NLRC5: variants seen among roughly 807,000 people sequenced by gnomAD.
NLRC5 encodes the protein protein NLRC5.
In NLRC5, 114 loss-of-function variants were observed where a neutral mutation model predicts 206.9. The ratio of observed to expected loss-of-function variants is 0.55; its 90% confidence interval spans 0.47 to 0.64. The LOEUF (loss-of-function observed/expected upper bound fraction) is 0.64, where lower values mean the gene tolerates loss of function less well. NLRC5 is among the 30% of genes least tolerant of loss of function. The pLI, the probability that NLRC5 is intolerant of heterozygous loss-of-function variation, is 0.00. For synonymous variants in NLRC5, 952 were observed against 962.8 expected, an observed-to-expected ratio of 0.99 and a Z score of 0.21; for missense variants, 2,008 against 2,305.5, an observed-to-expected ratio of 0.87 and a Z score of 2.64.
intron 22 of NLRC5, 100 bp downstream of exon 22, chr16:57,046,741 A>G: frequency 1.1e-6 from 1 of 899,050 alleles, no homozygotes; most frequent in Non-Finnish European, 1.7e-6. Context: ...ATTGGGATAG[A>G]GGGAAGAGAG....
intron 27 of NLRC5, 75 bp from the exon 28 acceptor site, chr16:57,057,990 G>T (rs1429356597): frequency 8.3e-7 from 1 of 1,206,922 alleles, no homozygotes; most frequent in Non-Finnish European, 1.2e-6. Flanking sequence ...GTGGATGCAG[G>T]CTCCTGGTGA....
At chr16:57,040,942 A>G (rs2063205129) in intron 17 of NLRC5, among the ~76,000 whole-genome samples, 2 of 149,658 alleles carry the variant, frequency 1.3e-5, no homozygotes, top group Admixed American at 6.6e-5. Context: ...TCCCAAGCCC[A>G]GGAGACCCCA....
Position 57,026,921 on chromosome 16 carries a change from C to T in NLRC5, c.1978C>T (p.His660Tyr). ...GGCCACCCTGACCAACATCCTAGAGCACAGGGAGGCCCCCATCCACCTGGA... is the reference window on the plus strand; with the variant it reads ...GGCCACCCTGACCAACATCCTAGAGTACAGGGAGGCCCCCATCCACCTGGA... ...DLATLTNILE[H>Y]REAPIHLDFD... The change falls in exon 6 of 49, where the codon CAC (histidine) becomes TAC (tyrosine). Residue 660 changes from histidine to tyrosine, a missense_variant. His to Tyr is a moderately conservative substitution (Grantham distance 83). Transcript: ENST00000688547. The T allele has an allele frequency of 2.5e-6, 4 of 1,614,194 alleles. No individual in the cohort carries two copies. The highest frequency in any genetic ancestry group is 3.4e-6 in the Non-Finnish European group (4 of 1,180,026).
rs764757233 is a variant in NLRC5, at chr16:57,026,756, C to T, written c.1813C>T (p.Arg605Cys). Residue 605 changes from arginine (R) to cysteine (C), a missense_variant, in exon 6 of 49, where the codon CGC (arginine) becomes TGC (cysteine). Arg to Cys is a radical substitution (Grantham distance 180). Transcript: ENST00000688547. ...VVQVLKKLAT[R>C]KLTGPKVVEL... ...GCAGGTGTTGAAGAAGTTGGCCACC[C>T]GCAAGCTCACAGGGCCAAAGGTTGT... 12 of 1,613,936 alleles carry T rather than the reference C, an allele frequency of 7.4e-6. No homozygotes were observed. The Admixed American group carries it at 8.3e-5, about 11-fold the overall frequency.
intron 28 of NLRC5, chr16:57,058,528 C>A (rs1374786877): frequency 3.1e-6 from 1 of 327,360 alleles, no homozygotes; most frequent in Admixed American, 4.5e-5. Flanking sequence ...ATCTGTGGAA[C>A]ATAAATGTGG....
intron 14 of NLRC5, among the ~76,000 whole-genome samples, chr16:57,036,461 G>A (rs918437033): frequency 1.3e-5 from 2 of 152,162 alleles, no homozygotes; most frequent in Admixed American, 1.3e-4. Flanking sequence ...CCTGGAGCAC[G>A]GTGGGGTGGG....
chr16:57,047,422 G>T (rs1597346134), intron 22 of NLRC5, 123 bp from the exon 23 acceptor site: 2 of 801,848 alleles, frequency 2.5e-6, no homozygotes, highest in Non-Finnish European at 4.1e-6. Flanking sequence ...TGCCCCACAG[G>T]GGAAGGGGCC....
intron 10 of NLRC5, 88 bp from the exon 11 acceptor site, chr16:57,031,316 C>A (rs1317165653): frequency 7.2e-7 from 1 of 1,385,018 alleles, no homozygotes; most frequent in Non-Finnish European, 1.0e-6. Flanking sequence ...GATGTTTGAA[C>A]ATTTGGGGCA....
intron 23 of NLRC5, among the ~76,000 whole-genome samples, chr16:57,048,530 C>T (rs1241034140): frequency 6.6e-6 from 1 of 151,384 alleles, no homozygotes; most frequent in African/African-American, 2.4e-5. Context: ...CATTATCAGA[C>T]CTACACTATT....
At chr16:57,051,107 C>T (rs2059438425) in intron 23 of NLRC5, among the ~76,000 whole-genome samples, 1 of 152,162 alleles carries the variant, frequency 6.6e-6, no homozygotes, top group South Asian at 2.1e-4. Context: ...GATCCACCCA[C>T]CTCAGCCTCC....
intron 38 of NLRC5, among the ~76,000 whole-genome samples, chr16:57,073,032 G>A (rs1450822828): frequency 2.0e-5 from 3 of 152,100 alleles, no homozygotes; most frequent in African/African-American, 4.8e-5. Context: ...CCTGCATCTC[G>A]GCTCAGCCTT....
intron 38 of NLRC5, among the ~76,000 whole-genome samples, chr16:57,071,917 A>G (rs987569478): frequency 1.3e-5 from 2 of 151,960 alleles, no homozygotes; most frequent in East Asian, 3.8e-4. Flanking sequence ...TTTTGTGAAC[A>G]CAAACCGCCA....
intron 14 of NLRC5, 86 bp downstream of exon 14, chr16:57,036,269 TG>T: frequency 7.8e-7 from 1 of 1,277,140 alleles, no homozygotes. Flanking sequence ...GCAGTAAGGG[TG>T]CTGATCCACT....
chr16:57,052,101 G>A (rs1423758863), intron 24 of NLRC5, among the ~76,000 whole-genome samples: 1 of 152,032 alleles, frequency 6.6e-6, no homozygotes, highest in Non-Finnish European at 1.5e-5. Flanking sequence ...CGTCAAACTC[G>A]CAAAAAGGGA....
At chr16:57,002,154 T>C (rs568474266) in intron 1 of NLRC5, among the ~76,000 whole-genome samples, 2 of 152,306 alleles carry the variant, frequency 1.3e-5, no homozygotes, top group African/African-American at 4.8e-5. Context: ...CTTTTATTCT[T>C]TTCTTTCTTT....
rs192986587 is a variant in NLRC5, at chr16:57,030,945, A to T, written c.2418-459A>T. ...GCAACATAGTCTCTACAAAAAATGA[A>T]CAAAATTAATGGGGCATGGTGGTGC... On this transcript the variant is annotated intron_variant, in intron 10 of 48. Transcript: ENST00000688547. Among the ~76,000 whole-genome samples the T allele has an allele frequency of 6.8e-3, 1,030 of 152,254 alleles. 6 individuals are homozygous for T. Among genetic ancestry groups the T allele is most frequent in the Non-Finnish European group, 0.011 (717 of 68,020 alleles).
At chr16:57,015,925 C>CAA (rs35216159) in intron 1 of NLRC5, among the ~76,000 whole-genome samples, 1,235 of 39,196 alleles carry the variant, frequency 0.032, 24 homozygotes, top group Middle Eastern at 0.05. Flanking sequence ...AACTCCATCT[C>CAA]AAAAAAAAAA....
chr16:57,042,425 G>C (rs1567588621), intron 19 of NLRC5, among the ~76,000 whole-genome samples: 1 of 152,088 alleles, frequency 6.6e-6, no homozygotes, highest in Non-Finnish European at 1.5e-5. Flanking sequence ...CTGTTAGCTG[G>C]GGTATGGTCA....
chr16:57,051,746 T>G, intron 24 of NLRC5, 125 bp downstream of exon 24: 2 of 612,998 alleles, frequency 3.3e-6, no homozygotes, highest in Non-Finnish European at 5.6e-6. Flanking sequence ...CAACCCCCTC[T>G]ACCCGCTCCA....
Sources: gnomAD v4.1 joint callset for allele counts (sites outside exome capture counted in the v4.1 genomes callset) on GRCh38, gnomAD v4.1.1 for gene constraint, MANE v1.5 for transcripts, NCBI Gene and HGNC (gene_info 2026-07-23, HGNC 2026-07-21) for gene names.